Variants in PDZD2 observed in about 807,000 individuals in gnomAD.
PDZD2 encodes the protein PDZ domain containing 2.
PDZD2 carries 90 observed loss-of-function variants against 220.7 expected under a neutral mutation model. The observed-to-expected ratio is 0.41, with a 90% CI of 0.34 to 0.49. The LOEUF (loss-of-function observed/expected upper bound fraction) is 0.49. Ranked by LOEUF, PDZD2 falls within the 20% of genes least tolerant of loss-of-function variation. The probability of loss-of-function intolerance (pLI) is 0.28; values close to 1 mark genes in which losing one functional copy is unlikely to be tolerated. For synonymous variants in PDZD2, 1,375 were observed against 1,450.5 expected (o/e 0.95, Z 1.18); for missense variants, 3,174 against 3,608.5 (o/e 0.88, Z 3.08).
intron 1 of PDZD2, among the ~76,000 whole-genome samples, chr5:31,688,320 C>T (rs945996110): frequency 6.6e-6 from 1 of 152,234 alleles, no homozygotes; most frequent in Non-Finnish European, 1.5e-5. Flanking sequence ...AAAGTAAAGG[C>T]CCTGGTGAGA....
intron 1 of PDZD2, among the ~76,000 whole-genome samples, chr5:31,755,175 C>T (rs1343170532): frequency 2.6e-5 from 4 of 151,064 alleles, no homozygotes; most frequent in African/African-American, 9.8e-5. Context: ...GCTCAGAACT[C>T]GTGGTCTGGT....
intron 2 of PDZD2, chr5:31,908,460 C>CG: frequency 1.3e-6 from 1 of 793,998 alleles, no homozygotes; most frequent in Admixed American, 2.5e-5. Context: ...CGAAGATGGT[C>CG]TGTAGGAGAG....
rs11390710 is a variant in PDZD2, at chr5:31,874,760, T to TAA, written c.476+75051_476+75052dup. 4.8e-3 allele frequency among the ~76,000 whole-genome samples: 669 copies of TAA among 139,172 alleles called. 6 individuals carry two copies. Among genetic ancestry groups the TAA allele is most frequent in the South Asian group, 0.027 (115 of 4,236 alleles). 91.3% of individuals were successfully genotyped at this position (139,172 alleles called of 152,430 possible). On this transcript the variant is annotated intron_variant, in intron 2 of 24. Coordinates refer to ENST00000438447, the MANE Select transcript of PDZD2 (RefSeq NM_178140.4). ...TGGGCAGCAGAACACGACTCTATCT[T>TAA]AAAAAAAAAAAAAAAAGATAAAATG...
intron 1 of PDZD2, among the ~76,000 whole-genome samples, chr5:31,653,024 C>CA (rs1442746196): frequency 1.3e-5 from 2 of 151,962 alleles, no homozygotes; most frequent in South Asian, 2.1e-4. Context: ...AAAAAAAGAC[C>CA]AAAAAACAAA....
chr5:31,684,536 C>A (rs1466808163), intron 1 of PDZD2, among the ~76,000 whole-genome samples: 3 of 151,170 alleles, frequency 2.0e-5, no homozygotes, highest in Non-Finnish European at 4.4e-5. Flanking sequence ...TGGTATAGAA[C>A]CCTCTGTCTA....
At chr5:32,006,732 C>G (rs964327300) in intron 5 of PDZD2, among the ~76,000 whole-genome samples, 9 of 145,886 alleles carry the variant, frequency 6.2e-5, no homozygotes, top group African/African-American at 2.1e-4. Context: ...CTCTGTCACC[C>G]AGACTGCAGT....
chr5:31,808,394 C>T (rs779380258), intron 2 of PDZD2, among the ~76,000 whole-genome samples: 2 of 152,230 alleles, frequency 1.3e-5, no homozygotes, highest in Non-Finnish European at 2.9e-5. Context: ...CCATGTGGAA[C>T]AGCCCATTCC....
At chr5:32,020,642 C>CTTTTTTTTTTTTTT (rs11459649) in intron 6 of PDZD2, among the ~76,000 whole-genome samples, 1 of 146,256 alleles carries the variant, frequency 6.8e-6, no homozygotes, top group African/African-American at 2.5e-5. Flanking sequence ...ACAAAATGAT[C>CTTTTTTTTTTTTTT]TTTTTTTTTT....
chr5:31,858,066 T>C (rs1758615249), intron 2 of PDZD2, among the ~76,000 whole-genome samples: 1 of 152,206 alleles, frequency 6.6e-6, no homozygotes, highest in African/African-American at 2.4e-5. Context: ...ACTCAGGTGA[T>C]CTGCCCGTCT....
chr5:31,694,467 T>A (rs1045617386), intron 1 of PDZD2, among the ~76,000 whole-genome samples: 1 of 152,232 alleles, frequency 6.6e-6, no homozygotes, highest in Non-Finnish European at 1.5e-5. Flanking sequence ...TTTGGCTGTC[T>A]TCAGCCATAG....
chr5:31,881,700 A>G (rs1319228995), intron 2 of PDZD2, among the ~76,000 whole-genome samples: 4 of 149,582 alleles, frequency 2.7e-5, no homozygotes, highest in Non-Finnish European at 5.9e-5. Flanking sequence ...AATACAATAC[A>G]CACACATATA....
chr5:31,823,732 C>T (rs147423169), intron 2 of PDZD2, among the ~76,000 whole-genome samples: 1 of 152,182 alleles, frequency 6.6e-6, no homozygotes, highest in Non-Finnish European at 1.5e-5. Flanking sequence ...AAACCACCTC[C>T]ATCCTCTTAC....
At chr5:31,875,706 A>ATT (rs917312844) in intron 2 of PDZD2, among the ~76,000 whole-genome samples, 2 of 149,892 alleles carry the variant, frequency 1.3e-5, no homozygotes, top group African/African-American at 4.9e-5. Flanking sequence ...TCTATTTGGG[A>ATT]TTATATATAT....
chr5:32,056,845 T>G (rs1249641877), intron 10 of PDZD2, among the ~76,000 whole-genome samples: 1 of 152,146 alleles, frequency 6.6e-6, no homozygotes, highest in Non-Finnish European at 1.5e-5. Flanking sequence ...ATCCCCGCAC[T>G]TTGGGAAGCC....
At chr5:31,992,204 T>TA (rs918307654) in intron 3 of PDZD2, among the ~76,000 whole-genome samples, 4 of 151,640 alleles carry the variant, frequency 2.6e-5, no homozygotes, top group South Asian at 2.1e-4. Flanking sequence ...TACTTTCAAT[T>TA]AAAAAAAAAT....
At chr5:32,082,869 T>C (rs1742102607) in intron 19 of PDZD2, among the ~76,000 whole-genome samples, 1 of 152,200 alleles carries the variant, frequency 6.6e-6, no homozygotes, top group African/African-American at 2.4e-5. Flanking sequence ...TGACTCTGTC[T>C]GTTAAATGGT....
rs146325562 is a variant in PDZD2, at chr5:32,021,557, C to A, written c.1407+11075C>A. Among the ~76,000 whole-genome samples the A allele has an allele frequency of 2.8e-4, 42 of 152,264 alleles. 1 individual carries two copies. In the East Asian group the frequency reaches 7.7e-3, roughly 28 times the overall value. ...AAGTGATCCACCTGCCTCAGCCCCCCAAAGTGCTGGGATTATAGGCATGAG... is the reference window on the plus strand; with the variant it reads ...AAGTGATCCACCTGCCTCAGCCCCCAAAAGTGCTGGGATTATAGGCATGAG... On this transcript the variant is annotated intron_variant, in intron 6 of 24. Transcript: ENST00000438447.
chr5:31,757,742 T>C (rs1751381112), intron 1 of PDZD2, among the ~76,000 whole-genome samples: 2 of 152,136 alleles, frequency 1.3e-5, no homozygotes, highest in Non-Finnish European at 2.9e-5. Flanking sequence ...TGGTCACAGG[T>C]GGTTTTGTTA....
At chr5:31,867,880 G>A (rs1247989277) in intron 2 of PDZD2, among the ~76,000 whole-genome samples, 1 of 151,288 alleles carries the variant, frequency 6.6e-6, no homozygotes, top group African/African-American at 2.4e-5. Context: ...GAAGGCAGCA[G>A]GTGTGGGGTG....
Sources: allele counts gnomAD v4.1 joint callset (sites outside exome capture counted in the v4.1 genomes callset), GRCh38; gene constraint gnomAD v4.1.1; transcripts MANE v1.5; gene names NCBI Gene and HGNC (gene_info 2026-07-23, HGNC 2026-07-21).